Variants in FBXO32 observed in about 807,000 individuals in gnomAD.
The protein encoded by FBXO32 is F-box protein 32, also known as F-box only protein 32.
In FBXO32, 15 loss-of-function variants were observed where a neutral mutation model predicts 48.3. The ratio of observed to expected loss-of-function variants is 0.31; its 90% CI spans 0.21 to 0.48. The LOEUF (loss-of-function observed/expected upper bound fraction) is 0.48. Among genes scored for constraint, FBXO32 ranks in the 20% least tolerant of loss-of-function variants. FBXO32 has a pLI of 0.99. For synonymous variants in FBXO32, 154 were observed against 165.9 expected (o/e 0.93, Z 0.55); for missense variants, 309 against 432.7 (o/e 0.71, Z 2.54).
rs556030604 is a variant in FBXO32 at position 123,523,426 on chromosome 8, C to T, written c.372+8472G>A. ...CCAATATGGTGAAACCCTGTCTCTA[C>T]TAAAAATACATAAATTAGCCGGGCA... is the stretch of plus-strand genomic sequence containing the variant. On this transcript the variant is annotated intron_variant, in intron 4 of 8. Transcript: ENST00000517956. Among the ~76,000 whole-genome samples, 21 of 152,214 alleles carry T rather than the reference C, an allele frequency of 1.4e-4. No individual in the cohort carries two copies. In the East Asian group the frequency reaches 4.0e-3, roughly 29 times the overall value.
chr8:123,537,827 A>G (rs1444218936), intron 1 of FBXO32, among the ~76,000 whole-genome samples: 1 of 152,206 alleles, frequency 6.6e-6, no homozygotes, highest in East Asian at 1.9e-4. Flanking sequence ...TCAGCCATAC[A>G]GTAAAGTAAC....
At chr8:123,504,829 T>A in intron 7 of FBXO32, 82 bp from the exon 8 acceptor site, 1 of 1,371,650 alleles carries the variant, frequency 7.3e-7, no homozygotes, top group Non-Finnish European at 1.0e-6. Flanking sequence ...TGAAAAGGTT[T>A]ACTCTCACCC....
In FBXO32 at chr8:123,540,808, C is replaced by T. The variant is rs1817395383; in HGVS notation, c.116+91G>A. On this transcript the variant is annotated intron_variant, in intron 1 of 8. Transcript: ENST00000517956. This position sits in a 1 kb window ranked among gnomAD's most constrained non-coding sequence, Gnocchi z 6.4. ...GTCTCCCTCCTCAGCCCGCTCCAGCCCTGCCTGCCCCTCATTCGCCGTCCC... is the reference window on the plus strand; with the variant it reads ...GTCTCCCTCCTCAGCCCGCTCCAGCTCTGCCTGCCCCTCATTCGCCGTCCC... The T allele has an allele frequency of 2.7e-6, 3 of 1,114,130 alleles. No individual in the cohort carries two copies. The highest frequency in any genetic ancestry group is 1.3e-5 in the South Asian group (1 of 75,002). The allele number at this position is 1,114,130 out of a possible 1,614,324, so 69.0% of individuals were successfully genotyped here.
At position 123,498,221 on chromosome 8, in the gene FBXO32, G is replaced by T. The variant is rs1816398355; in HGVS notation, c.*5152C>A. On this transcript the variant is annotated 3_prime_UTR_variant, in exon 9 of 9. Coordinates refer to ENST00000517956, the MANE Select transcript of FBXO32 (RefSeq NM_058229.4). Reference sequence around the variant, plus strand: ...TTGGTAGAATAAAGATGGCACCAAGGATTCCCAAGTATAGAATACAGCTTG... The same window carrying T: ...TTGGTAGAATAAAGATGGCACCAAGTATTCCCAAGTATAGAATACAGCTTG... 6.6e-6 allele frequency: 1 copy of T among 152,236 alleles called. No individual in the cohort carries two copies. The highest frequency in any genetic ancestry group is 2.4e-5 in the African/African-American group (1 of 41,456). 9.4% of individuals were successfully genotyped at this position (152,236 alleles called of 1,614,324 possible). A position where few individuals can be genotyped will look rare whatever the true frequency, so the allele number is the denominator to read the frequency against.
At chr8:123,529,077 A>G (rs1817148461) in intron 4 of FBXO32, among the ~76,000 whole-genome samples, 1 of 152,256 alleles carries the variant, frequency 6.6e-6, no homozygotes, top group African/African-American at 2.4e-5. Context: ...TCTTCATAAA[A>G]ATAACATATT....
chr8:123,516,867 G>A (rs1288201315), intron 4 of FBXO32, among the ~76,000 whole-genome samples: 3 of 151,938 alleles, frequency 2.0e-5, no homozygotes, highest in Admixed American at 6.6e-5. Flanking sequence ...TGAAAGAGGC[G>A]GGAAATCAAA....
At chr8:123,509,959 T>C (rs886634852) in intron 6 of FBXO32, among the ~76,000 whole-genome samples, 1 of 152,218 alleles carries the variant, frequency 6.6e-6, no homozygotes, top group Admixed American at 6.5e-5. Flanking sequence ...TTCTCATTTA[T>C]AACATGAGAA....
chr8:123,514,007 C>A, intron 5 of FBXO32: 1 of 452,198 alleles, frequency 2.2e-6, no homozygotes, highest in Non-Finnish European at 3.9e-6. Context: ...TATAGTAGGG[C>A]AAGTGGATGG....
intron 4 of FBXO32, among the ~76,000 whole-genome samples, chr8:123,516,705 C>T (rs1438921767): frequency 6.6e-6 from 1 of 152,104 alleles, no homozygotes; most frequent in Admixed American, 6.5e-5. Flanking sequence ...TTAAAAAAAG[C>T]CACCCCCAAA....
intron 6 of FBXO32, among the ~76,000 whole-genome samples, chr8:123,511,237 T>G (rs1387253202): frequency 1.3e-5 from 2 of 152,198 alleles, no homozygotes; most frequent in African/African-American, 4.8e-5. Context: ...CTAAGTGCTG[T>G]GCATCGCTAA....
At chr8:123,528,811 G>A (rs992142750) in intron 4 of FBXO32, among the ~76,000 whole-genome samples, 1 of 152,126 alleles carries the variant, frequency 6.6e-6, no homozygotes, top group African/African-American at 2.4e-5. Context: ...AAATGTATTT[G>A]GCTCTCAAGG....
chr8:123,539,080 G>A (rs527484817), intron 1 of FBXO32, among the ~76,000 whole-genome samples: 3 of 152,182 alleles, frequency 2.0e-5, no homozygotes, highest in East Asian at 3.9e-4. Flanking sequence ...GTCATGACTC[G>A]CTGCAGCCTT....
rs1015269276 is a variant in FBXO32 at position 123,519,329 on chromosome 8, G to A, written c.373-4996C>T. Among the ~76,000 whole-genome samples the A allele has an allele frequency of 7.2e-5, 11 of 152,104 alleles. No homozygotes were observed. The East Asian group carries it at 7.7e-4, about 11-fold the overall frequency. The stretch of plus-strand genomic sequence containing the variant: ...AGCACTTGGGGAGACTGAGGCAGGC[G>A]GATCACGAGGTGAGGAGATCGAGAC... On this transcript the variant is annotated intron_variant, in intron 4 of 8. Coordinates refer to ENST00000517956, the MANE Select transcript of FBXO32 (RefSeq NM_058229.4).
At chr8:123,517,808 G>A (rs533607042) in intron 4 of FBXO32, among the ~76,000 whole-genome samples, 1 of 152,254 alleles carries the variant, frequency 6.6e-6, no homozygotes, top group East Asian at 1.9e-4. Flanking sequence ...AGATAAATAT[G>A]TACAAATCCA....
Position 123,498,313 on chromosome 8 carries a change from A to G in FBXO32, c.*5060T>C, listed in dbSNP as rs1816401044. 2 of 152,228 alleles carry G rather than the reference A, an allele frequency of 1.3e-5. No individual in the cohort carries two copies. The highest frequency in any genetic ancestry group is 2.4e-5 in the African/African-American group (1 of 41,454). The allele number at this position is 152,228 out of a possible 1,614,324, so 9.4% of individuals were successfully genotyped here. A position where few individuals can be genotyped will look rare whatever the true frequency, so the allele number is the denominator to read the frequency against. The stretch of plus-strand genomic sequence containing the variant: ...AACACATCTATACTCAAAGACAGAA[A>G]AAGTCATGTTTAAACTCCAGAAATA... On this transcript the variant is annotated 3_prime_UTR_variant, in exon 9 of 9. Transcript: ENST00000517956.
rs1309292632 is a variant in FBXO32, at chr8:123,501,218, T to C, written c.*2155A>G. Reference sequence around the variant, plus strand: ...GTCAAAAGTTCCAGAGCTCTCTCAGTGATGGCACACCCAACTCCACCCCAT... The same window carrying C: ...GTCAAAAGTTCCAGAGCTCTCTCAGCGATGGCACACCCAACTCCACCCCAT... On this transcript the variant is annotated 3_prime_UTR_variant, in exon 9 of 9. Transcript: ENST00000517956. 1 of 152,116 alleles carries C rather than the reference T, an allele frequency of 6.6e-6. No homozygotes were observed. Among genetic ancestry groups the C allele is most frequent in the Non-Finnish European group, 1.5e-5 (1 of 68,022 alleles). The allele number at this position is 152,116 out of a possible 1,614,324, so 9.4% of individuals were successfully genotyped here. A position where few individuals can be genotyped will look rare whatever the true frequency, so the allele number is the denominator to read the frequency against.
chr8:123,539,516 G>T (rs1252762377), intron 1 of FBXO32, among the ~76,000 whole-genome samples: 1 of 152,094 alleles, frequency 6.6e-6, no homozygotes, highest in African/African-American at 2.4e-5. Context: ...ACTCCCCTGG[G>T]ACAGCCTCCA....
rs1273357078 is a variant in FBXO32 at position 123,499,593 on chromosome 8, T to C, written c.*3780A>G. 6.6e-6 allele frequency: 1 copy of C among 152,196 alleles called. No individual in the cohort carries two copies. Among genetic ancestry groups the C allele is most frequent in the Non-Finnish European group, 1.5e-5 (1 of 68,032 alleles). 9.4% of individuals were successfully genotyped at this position (152,196 alleles called of 1,614,324 possible). A position where few individuals can be genotyped will look rare whatever the true frequency, so the allele number is the denominator to read the frequency against. On this transcript the variant is annotated 3_prime_UTR_variant, in exon 9 of 9. Coordinates refer to ENST00000517956, the MANE Select transcript of FBXO32 (RefSeq NM_058229.4). ...AGAGTGTTTGCATAGCAAGACATTA[T>C]TGCCCTTCAGCCTGGCAGAAAAACA...
intron 1 of FBXO32, among the ~76,000 whole-genome samples, chr8:123,535,097 T>C (rs1353305757): frequency 1.8e-5 from 2 of 110,632 alleles, no homozygotes; most frequent in Non-Finnish European, 2.0e-5. Flanking sequence ...CACACAGCAC[T>C]GTACTCTTCA....
Sources: allele counts gnomAD v4.1 joint callset (sites outside exome capture counted in the v4.1 genomes callset), GRCh38; gene constraint gnomAD v4.1.1; non-coding constraint Gnocchi (gnomAD v3.1); transcripts MANE v1.5; gene names NCBI Gene and HGNC (gene_info 2026-07-23, HGNC 2026-07-21).